Variants in FGGY observed in about 807,000 individuals in gnomAD.
The protein encoded by FGGY is FGGY carbohydrate kinase domain-containing protein.
A neutral mutation model predicts 71.3 loss-of-function variants in FGGY; 72 were observed. That is an observed-to-expected ratio of 1.01 (90% CI 0.84 to 1.23). FGGY has a LOEUF of 1.23. Among genes scored for constraint, FGGY ranks in the 50% most tolerant of loss-of-function variants. The pLI, the probability that FGGY is intolerant of heterozygous loss-of-function variation, is 0.00. For synonymous variants in FGGY, 251 were observed against 250.3 expected (o/e 1.00, Z -0.02); for missense variants, 668 against 682.3 (o/e 0.98, Z 0.23).
Position 59,638,216 on chromosome 1 carries a change from C to G in FGGY, c.1074-12C>G. On this transcript the variant is annotated splice_polypyrimidine_tract_variant and intron_variant, in intron 10 of 15. Coordinates refer to ENST00000303721, the MANE Select transcript of FGGY (RefSeq NM_018291.5). Reference sequence around the variant, plus strand: ...ATCCCCCCTTTAAAAATAAAATTCACTTCTCTTCCAGATGCCAGAGTATAT... The same window carrying G: ...ATCCCCCCTTTAAAAATAAAATTCAGTTCTCTTCCAGATGCCAGAGTATAT... 6.2e-7 allele frequency: 1 copy of G among 1,611,388 alleles called. No individual in the cohort carries two copies. The highest frequency in any genetic ancestry group is 8.5e-7 in the Non-Finnish European group (1 of 1,178,552).
At chr1:59,550,427 C>T (rs2095590992) in intron 7 of FGGY, among the ~76,000 whole-genome samples, 1 of 152,104 alleles carries the variant, frequency 6.6e-6, no homozygotes, top group African/African-American at 2.4e-5. Flanking sequence ...TGTGGTCTTG[C>T]AGTGAACATC....
intron 5 of FGGY, among the ~76,000 whole-genome samples, chr1:59,381,097 G>A (rs971303107): frequency 1.1e-4 from 17 of 152,110 alleles, no homozygotes; most frequent in African/African-American, 4.1e-4. Context: ...AGATCAGATG[G>A]TTGTAGATAT....
chr1:59,592,981 TG>T (rs1025385857), intron 8 of FGGY, among the ~76,000 whole-genome samples: 2 of 152,070 alleles, frequency 1.3e-5, no homozygotes, highest in African/African-American at 4.8e-5. Context: ...AAAAGAGAAA[TG>T]CATTTGAGGC....
intron 5 of FGGY, among the ~76,000 whole-genome samples, chr1:59,454,114 A>G (rs2091457703): frequency 6.6e-6 from 1 of 152,172 alleles, no homozygotes. Context: ...CCTGGAGTTT[A>G]CCAAGCAGAC....
At chr1:59,692,488 G>A (rs1220168922) in intron 14 of FGGY, among the ~76,000 whole-genome samples, 1 of 152,130 alleles carries the variant, frequency 6.6e-6, no homozygotes, top group African/African-American at 2.4e-5. Flanking sequence ...CAAAGTTGGT[G>A]TGACAAAGCC....
chr1:59,498,213 G>A (rs2094108274), intron 6 of FGGY, among the ~76,000 whole-genome samples: 2 of 119,422 alleles, frequency 1.7e-5, no homozygotes, highest in Admixed American at 1.7e-4. Context: ...CCTAAAATAT[G>A]TGTATTTTAC....
intron 4 of FGGY, among the ~76,000 whole-genome samples, chr1:59,372,859 AC>A (rs1225695125): frequency 0.027 from 4,021 of 151,720 alleles, 186 homozygotes; most frequent in African/African-American, 0.093. Context: ...AAATTCAACA[AC>A]CCTTCATGCT....
At chr1:59,527,914 T>C (rs1570708763) in intron 7 of FGGY, among the ~76,000 whole-genome samples, 1 of 152,350 alleles carries the variant, frequency 6.6e-6, no homozygotes, top group Middle Eastern at 3.4e-3. Context: ...TCCATTCTTA[T>C]TACTTCTTGC....
At chr1:59,751,290 A>G (rs1291420637) in intron 14 of FGGY, among the ~76,000 whole-genome samples, 1 of 152,242 alleles carries the variant, frequency 6.6e-6, no homozygotes, top group Non-Finnish European at 1.5e-5. Context: ...CACAGCACAG[A>G]GTACAAAGCT....
intron 7 of FGGY, among the ~76,000 whole-genome samples, chr1:59,524,200 C>T (rs1451492275): frequency 1.3e-5 from 2 of 152,250 alleles, no homozygotes; most frequent in Non-Finnish European, 2.9e-5. Context: ...TGTACATGCA[C>T]TTGAGGTGGT....
At chr1:59,502,541 C>T (rs1570297244) in intron 6 of FGGY, among the ~76,000 whole-genome samples, 2 of 152,152 alleles carry the variant, frequency 1.3e-5, no homozygotes, top group East Asian at 3.9e-4. Context: ...GAATTGGCCG[C>T]CCACACTCCT....
intron 4 of FGGY, among the ~76,000 whole-genome samples, chr1:59,357,480 T>C (rs2054559041): frequency 6.6e-6 from 1 of 152,176 alleles, no homozygotes; most frequent in African/African-American, 2.4e-5. Flanking sequence ...CTCAAAGAAA[T>C]GAAATGACTT....
intron 7 of FGGY, among the ~76,000 whole-genome samples, chr1:59,518,012 G>T (rs2094713290): frequency 6.6e-6 from 1 of 152,206 alleles, no homozygotes; most frequent in African/African-American, 2.4e-5. Context: ...AGCAAGCTTT[G>T]TTCCTTGGTT....
At chr1:59,538,149 G>C (rs185627298) in intron 7 of FGGY, among the ~76,000 whole-genome samples, 2 of 151,488 alleles carry the variant, frequency 1.3e-5, no homozygotes, top group Non-Finnish European at 3.0e-5. Flanking sequence ...ACAAATTTAC[G>C]AGAAAAAAAC....
Position 59,553,866 on chromosome 1 carries a change from A to G in FGGY, c.800-258A>G, listed in dbSNP as rs113355902. 1,495 of 337,832 alleles carry G rather than the reference A, an allele frequency of 4.4e-3. 18 individuals are homozygous for G. The highest frequency in any genetic ancestry group is 0.028 in the African/African-American group (1,359 of 48,274). The allele number at this position is 337,832 out of a possible 1,614,324, so 20.9% of individuals were successfully genotyped here. A position where few individuals can be genotyped will look rare whatever the true frequency, so the allele number is the denominator to read the frequency against. ...GATAGCTGCTGCTTTTATTATGACA[A>G]TCACAATTACTGCCATTATTATAAC... On this transcript the variant is annotated intron_variant, in intron 7 of 15. Transcript: ENST00000303721.
intron 5 of FGGY, among the ~76,000 whole-genome samples, chr1:59,386,404 A>C (rs887134009): frequency 6.6e-6 from 1 of 152,120 alleles, no homozygotes; most frequent in Admixed American, 6.6e-5. Context: ...TTTCGGAGGA[A>C]GACCATAGAG....
chr1:59,522,243 A>G (rs1017117613), intron 7 of FGGY, among the ~76,000 whole-genome samples: 10 of 152,240 alleles, frequency 6.6e-5, no homozygotes, highest in South Asian at 2.1e-4. Flanking sequence ...TGCAGAGCCT[A>G]TGAGCTCTCC....
chr1:59,508,088 C>T (rs778748749), intron 6 of FGGY, among the ~76,000 whole-genome samples: 19 of 152,162 alleles, frequency 1.2e-4, no homozygotes, highest in Admixed American at 1.0e-3. Context: ...GCACTGAAAC[C>T]ACCAATCTCC....
chr1:59,652,784 C>A (rs865800549), intron 11 of FGGY, among the ~76,000 whole-genome samples: 1 of 152,010 alleles, frequency 6.6e-6, no homozygotes, highest in South Asian at 2.1e-4. Flanking sequence ...AGCTTTGTTC[C>A]GTTGCTGGTG....
Sources: gnomAD v4.1 joint callset for allele counts (sites outside exome capture counted in the v4.1 genomes callset) on GRCh38, gnomAD v4.1.1 for gene constraint, MANE v1.5 for transcripts, NCBI Gene and HGNC (gene_info 2026-07-23, HGNC 2026-07-21) for gene names.